ST6GALNAC3: variants seen among roughly 807,000 people sequenced by gnomAD.
ST6GALNAC3 encodes the protein alpha-N-acetylgalactosaminide alpha-2,6-sialyltransferase 3.
A neutral mutation model predicts 32.7 loss-of-function variants in ST6GALNAC3; 25 were observed. That is an observed-to-expected ratio of 0.76 (90% confidence interval 0.56 to 1.07). The LOEUF is 1.07. Among genes scored for constraint, ST6GALNAC3 ranks in the 50% least tolerant of loss-of-function variants. The pLI is 0.00. For synonymous variants in ST6GALNAC3, 129 were observed against 133.1 expected, an observed-to-expected ratio of 0.97 and a Z score of 0.21; for missense variants, 355 against 382.4, an observed-to-expected ratio of 0.93 and a Z score of 0.60.
chr1:76,177,812 C>T (rs540083721), intron 1 of ST6GALNAC3, among the ~76,000 whole-genome samples: 152 of 152,300 alleles, frequency 1.0e-3, no homozygotes, highest in African/African-American at 3.4e-3. Flanking sequence ...CATCTCCTAA[C>T]GGGCTTTGGT....
intron 1 of ST6GALNAC3, among the ~76,000 whole-genome samples, chr1:76,295,748 A>G (rs1429193559): frequency 1.3e-5 from 2 of 152,102 alleles, no homozygotes; most frequent in Non-Finnish European, 2.9e-5. Context: ...CTGGAAAAGG[A>G]ATAGTGAGCT....
intron 3 of ST6GALNAC3, among the ~76,000 whole-genome samples, chr1:76,418,714 C>A (rs1475755159): frequency 1.3e-5 from 2 of 151,934 alleles, no homozygotes; most frequent in Non-Finnish European, 2.9e-5. Context: ...ATCCCCATCC[C>A]AGCTGGTGTA....
chr1:76,489,187 A>C (rs1174080494), intron 3 of ST6GALNAC3, among the ~76,000 whole-genome samples: 1 of 152,164 alleles, frequency 6.6e-6, no homozygotes, highest in East Asian at 1.9e-4. Context: ...ATTGCTTATC[A>C]AGATTGCAGG....
chr1:76,099,529 G>A (rs2100770830), intron 1 of ST6GALNAC3, among the ~76,000 whole-genome samples: 1 of 152,170 alleles, frequency 6.6e-6, no homozygotes, highest in East Asian at 1.9e-4. Flanking sequence ...CAACAATGTA[G>A]ATGAATCTCC....
intron 3 of ST6GALNAC3, among the ~76,000 whole-genome samples, chr1:76,487,721 C>G (rs1660219206): frequency 6.6e-6 from 1 of 152,180 alleles, no homozygotes; most frequent in Non-Finnish European, 1.5e-5. Flanking sequence ...CTTCTTCTCT[C>G]TACTTGTCAA....
At chr1:76,419,655 A>G (rs556955820) in intron 3 of ST6GALNAC3, among the ~76,000 whole-genome samples, 1 of 151,810 alleles carries the variant, frequency 6.6e-6, no homozygotes, top group Non-Finnish European at 1.5e-5. Flanking sequence ...TTTTTTCTCT[A>G]TTCTTGGATG....
At chr1:76,078,899 G>A (rs1646852873) in intron 1 of ST6GALNAC3, among the ~76,000 whole-genome samples, 1 of 152,106 alleles carries the variant, frequency 6.6e-6, no homozygotes, top group Admixed American at 6.5e-5. Flanking sequence ...TCGTGCCTCA[G>A]CCTCCCAAAT....
intron 2 of ST6GALNAC3, among the ~76,000 whole-genome samples, chr1:76,343,425 C>G (rs917218689): frequency 6.6e-6 from 1 of 152,086 alleles, no homozygotes; most frequent in African/African-American, 2.4e-5. Flanking sequence ...ATAGGTAGCT[C>G]CCTATCAGGA....
intron 3 of ST6GALNAC3, among the ~76,000 whole-genome samples, chr1:76,495,994 T>C (rs1190719326): frequency 6.6e-6 from 1 of 152,198 alleles, no homozygotes; most frequent in Non-Finnish European, 1.5e-5. Flanking sequence ...GGTTTCCTCA[T>C]TTGAAACTTA....
At chr1:76,398,034 C>G (rs980860946) in intron 2 of ST6GALNAC3, among the ~76,000 whole-genome samples, 23 of 152,068 alleles carry the variant, frequency 1.5e-4, no homozygotes, top group African/African-American at 5.3e-4. Context: ...GCTTCCAGAA[C>G]AGTGTAAAAT....
At chr1:76,487,677 T>C (rs12065647) in intron 3 of ST6GALNAC3, among the ~76,000 whole-genome samples, 26,348 of 152,112 alleles carry the variant, frequency 0.17, 2,771 homozygotes, top group African/African-American at 0.29. Flanking sequence ...TCGAACTTCC[T>C]CCTTTAGCTT....
chr1:76,159,938 A>G (rs1324585645), intron 1 of ST6GALNAC3, among the ~76,000 whole-genome samples: 1 of 152,194 alleles, frequency 6.6e-6, no homozygotes, highest in African/African-American at 2.4e-5. Flanking sequence ...CTCAATCTTT[A>G]TAAAGATAGG....
chr1:76,343,366 T>C (rs1648221858), intron 2 of ST6GALNAC3, among the ~76,000 whole-genome samples: 1 of 152,176 alleles, frequency 6.6e-6, no homozygotes. Flanking sequence ...ACCTGAACTT[T>C]TATGTCAGTT....
chr1:76,162,030 CA>C (rs1040926142), intron 1 of ST6GALNAC3, among the ~76,000 whole-genome samples: 1 of 151,876 alleles, frequency 6.6e-6, no homozygotes, highest in Non-Finnish European at 1.5e-5. Context: ...CAGGGCCAGG[CA>C]AAAAAAGGTC....
rs529377886 is a variant in ST6GALNAC3, at chr1:76,634,521, C to T, written c.*5715C>T. On this transcript the variant is annotated 3_prime_UTR_variant, in exon 5 of 5. Transcript: ENST00000328299. Reference sequence around the variant, plus strand: ...AAGAAAGTGTAAATGCACAGTTGTACGTTTGTTGAGAGTTTTTATGGCATT... The same window carrying T: ...AAGAAAGTGTAAATGCACAGTTGTATGTTTGTTGAGAGTTTTTATGGCATT... 6 of 151,912 alleles carry T rather than the reference C, an allele frequency of 3.9e-5. No homozygotes were observed. Among genetic ancestry groups the T allele is most frequent in the African/African-American group, 1.2e-4 (5 of 41,440 alleles). 9.4% of individuals were successfully genotyped at this position (151,912 alleles called of 1,614,324 possible).
At chr1:76,494,649 G>GCGCACACACACA (rs142496688) in intron 3 of ST6GALNAC3, among the ~76,000 whole-genome samples, 13 of 67,722 alleles carry the variant, frequency 1.9e-4, no homozygotes, top group African/African-American at 8.4e-4. Flanking sequence ...ATGTGTATGC[G>GCGCACACACACA]CACACACACA....
chr1:76,554,799 T>C (rs1664827315), intron 3 of ST6GALNAC3, among the ~76,000 whole-genome samples: 1 of 152,076 alleles, frequency 6.6e-6, no homozygotes, highest in Admixed American at 6.6e-5. Context: ...TAGAAACACT[T>C]CTAATAATTC....
chr1:76,133,786 C>T (rs1372271399), intron 1 of ST6GALNAC3, among the ~76,000 whole-genome samples: 1 of 152,206 alleles, frequency 6.6e-6, no homozygotes, highest in Non-Finnish European at 1.5e-5. Context: ...GAGGATCCCA[C>T]AGACTTTTGC....
At chr1:76,175,748 T>C (rs116460898) in intron 1 of ST6GALNAC3, among the ~76,000 whole-genome samples, 2,085 of 152,058 alleles carry the variant, frequency 0.014, 39 homozygotes, top group African/African-American at 0.043. Context: ...TAAGCTGCAG[T>C]ACCCCTTGGT....
Sources: gnomAD v4.1 joint callset for allele counts (sites outside exome capture counted in the v4.1 genomes callset) on GRCh38, gnomAD v4.1.1 for gene constraint, MANE v1.5 for transcripts, NCBI Gene and HGNC (gene_info 2026-07-23, HGNC 2026-07-21) for gene names.